TENM2: variants seen among roughly 807,000 people sequenced by gnomAD.
TENM2 encodes teneurin-2.
A neutral mutation model predicts 245.2 loss-of-function variants in TENM2; 52 were observed. That is an observed-to-expected ratio of 0.21 (90% CI 0.17 to 0.27). TENM2 has a LOEUF of 0.27. TENM2 is among the 10% of genes least tolerant of loss of function. The probability of loss-of-function intolerance (pLI) is 1.00; values close to 1 mark genes in which losing one functional copy is unlikely to be tolerated. For missense variants in TENM2, 3,046 were observed against 3,666.8 expected, an observed-to-expected ratio of 0.83 and a Z score of 4.37; for synonymous variants, 1,363 against 1,438.9, an observed-to-expected ratio of 0.95 and a Z score of 1.19.
intron 2 of TENM2, among the ~76,000 whole-genome samples, chr5:167,577,746 T>C (rs1432822554): frequency 6.6e-6 from 1 of 152,174 alleles, no homozygotes. Context: ...GCGCTGACTA[T>C]ATTCAAAGTA....
the TENM2 span, among the ~76,000 whole-genome samples, chr5:167,020,119 C>G: frequency 6.6e-6 from 1 of 152,132 alleles, no homozygotes; most frequent in African/African-American, 2.4e-5. Flanking sequence ...CCTGGCCTGT[C>G]ACACCACCGT....
chr5:167,518,945 G>A (rs1735235474), intron 2 of TENM2, among the ~76,000 whole-genome samples: 1 of 152,084 alleles, frequency 6.6e-6, no homozygotes, highest in Admixed American at 6.6e-5. Context: ...TTGGAGAAGA[G>A]AAGTCATATG....
At chr5:167,931,578 AC>A (rs1333778621) in intron 3 of TENM2, among the ~76,000 whole-genome samples, 3 of 151,452 alleles carry the variant, frequency 2.0e-5, no homozygotes, top group African/African-American at 7.3e-5. Context: ...AAAACAAGAA[AC>A]ATCTCTTGGA....
rs1249144005 is a variant in TENM2, at chr5:168,244,732, G to A, written c.5817+16G>A. 2 of 1,407,888 alleles carry A rather than the reference G, an allele frequency of 1.4e-6. No individual in the cohort carries two copies. The highest frequency in any genetic ancestry group is 2.7e-5 in the Admixed American group (1 of 37,166). 87.2% of individuals were successfully genotyped at this position (1,407,888 alleles called of 1,614,324 possible). A position where few individuals can be genotyped will look rare whatever the true frequency, so the allele number is the denominator to read the frequency against. ...CCTTGACAAGGTAGGTGAACATGCTGCCCTGACAGCAAGGGCTTTCTGTTA... is the reference window on the plus strand; with the variant it reads ...CCTTGACAAGGTAGGTGAACATGCTACCCTGACAGCAAGGGCTTTCTGTTA... On this transcript the variant is annotated intron_variant, in intron 26 of 28. Coordinates refer to ENST00000518659, the Ensembl canonical transcript of TENM2. This position sits in a 1 kb window ranked among gnomAD's most constrained non-coding sequence, Gnocchi z 4.9.
chr5:168,042,753 G>A (rs141401506), intron 5 of TENM2, among the ~76,000 whole-genome samples: 236 of 152,180 alleles, frequency 1.6e-3, no homozygotes, highest in African/African-American at 5.3e-3. Context: ...TACTGAAATC[G>A]GGGATCTGTG....
At chr5:167,984,811 T>C (rs1208255759) in intron 4 of TENM2, among the ~76,000 whole-genome samples, 1 of 152,176 alleles carries the variant, frequency 6.6e-6, no homozygotes, top group Non-Finnish European at 1.5e-5. Context: ...CGTTATCTCT[T>C]TTTTCACCTC....
intron 24 of TENM2, among the ~76,000 whole-genome samples, chr5:168,227,446 C>A (rs1764305855): frequency 1.3e-5 from 2 of 151,600 alleles, no homozygotes; most frequent in South Asian, 4.2e-4. Flanking sequence ...GTGGATCTGG[C>A]CTGTGGCTAG....
At chr5:167,438,793 T>C (rs540233536) in intron 2 of TENM2, among the ~76,000 whole-genome samples, 2 of 151,954 alleles carry the variant, frequency 1.3e-5, no homozygotes, top group Non-Finnish European at 2.9e-5. Context: ...AAGTTTTTTG[T>C]TTGATAGTTT....
At chr5:167,129,054 C>G in the TENM2 span, among the ~76,000 whole-genome samples, 2 of 152,216 alleles carry the variant, frequency 1.3e-5, no homozygotes, top group African/African-American at 2.4e-5. Flanking sequence ...CCTTCCCCAG[C>G]TTCCTGGAAT....
chr5:167,505,482 A>G (rs1332071617), intron 2 of TENM2, among the ~76,000 whole-genome samples: 1 of 152,216 alleles, frequency 6.6e-6, no homozygotes, highest in Non-Finnish European at 1.5e-5. Context: ...GGATACAAGG[A>G]AAAATATTGT....
chr5:167,900,837 G>A (rs1415505362), intron 3 of TENM2, among the ~76,000 whole-genome samples: 1 of 151,168 alleles, frequency 6.6e-6, no homozygotes, highest in East Asian at 2.0e-4. Flanking sequence ...GGGTGGGGGG[G>A]TGAGGTGGGA....
intron 1 of TENM2, among the ~76,000 whole-genome samples, chr5:167,356,217 A>AAAAAAAAAAAAAAAAAAGAAAAATT (rs1759321624): frequency 1.9e-4 from 24 of 129,158 alleles, no homozygotes; most frequent in African/African-American, 7.4e-4. Context: ...AAAAAAAAAA[A>AAAAAAAAAAAAAAAAAAGAAAAATT]AAAATTAAAA....
intron 3 of TENM2, among the ~76,000 whole-genome samples, chr5:167,883,380 G>C (rs73803257): frequency 6.6e-6 from 1 of 152,130 alleles, no homozygotes; most frequent in Non-Finnish European, 1.5e-5. Context: ...ACATGTGCAC[G>C]TGTGTGCACA....
In TENM2 at chr5:167,470,454, C is replaced by CTTTTTTTTTTTTTTTTTT. The variant is rs749016436; in HGVS notation, c.502+94986_502+95003dup. 2.2e-3 allele frequency among the ~76,000 whole-genome samples: 104 copies of CTTTTTTTTTTTTTTTTTT among 47,392 alleles called. 11 individuals carry two copies. The highest frequency in any genetic ancestry group is 2.4e-3 in the Non-Finnish European group (65 of 27,418). The allele number at this position is 47,392 out of a possible 152,430, so 31.1% of individuals were successfully genotyped here. ...TACAGAGAGGTATGGGCAATGCTTG[C>CTTTTTTTTTTTTTTTTTT]TTTTTTTTTTTTTTTTTTTTTTGCT... On this transcript the variant is annotated intron_variant, in intron 2 of 28. Coordinates refer to ENST00000518659, the Ensembl canonical transcript of TENM2.
chr5:167,393,347 G>A (rs537616732), intron 2 of TENM2, among the ~76,000 whole-genome samples: 15 of 152,174 alleles, frequency 9.9e-5, no homozygotes, highest in African/African-American at 3.6e-4. Flanking sequence ...AGTAGTAAAC[G>A]GGAGTCGGAG....
chr5:167,363,008 A>G (rs1759807612), intron 1 of TENM2, among the ~76,000 whole-genome samples: 1 of 152,222 alleles, frequency 6.6e-6, no homozygotes, highest in Non-Finnish European at 1.5e-5. Context: ...TCCATTTTAC[A>G]GGTGAGAAAA....
At chr5:167,500,983 G>A (rs1337406945) in intron 2 of TENM2, among the ~76,000 whole-genome samples, 1 of 152,040 alleles carries the variant, frequency 6.6e-6, no homozygotes, top group Non-Finnish European at 1.5e-5. Context: ...GAACAAATTT[G>A]AGACTCCTTT....
intron 2 of TENM2, among the ~76,000 whole-genome samples, chr5:167,386,643 C>A (rs1337078282): frequency 6.6e-6 from 1 of 152,154 alleles, no homozygotes; most frequent in East Asian, 1.9e-4. Flanking sequence ...TTTATAGTTT[C>A]AGATCTTAGA....
the TENM2 span, among the ~76,000 whole-genome samples, chr5:167,049,295 G>C: frequency 6.6e-6 from 1 of 152,192 alleles, no homozygotes; most frequent in Non-Finnish European, 1.5e-5. Flanking sequence ...CACGAGTCAC[G>C]TGTATGTTTA....
Sources: allele counts gnomAD v4.1 joint callset (sites outside exome capture counted in the v4.1 genomes callset), GRCh38; gene constraint gnomAD v4.1.1; non-coding constraint Gnocchi (gnomAD v3.1); transcripts MANE v1.5; gene names NCBI Gene and HGNC (gene_info 2026-07-23, HGNC 2026-07-21).